MAD1L1: variants seen among roughly 807,000 people sequenced by gnomAD.
The protein encoded by MAD1L1 is mitotic spindle assembly checkpoint protein MAD1.
Under a neutral mutation model 96.9 loss-of-function variants are expected in MAD1L1, and 95 were observed. The observed-to-expected ratio is 0.98, with a 90% CI of 0.83 to 1.16. MAD1L1 has a LOEUF of 1.16. Ranked by LOEUF, MAD1L1 falls within the 50% of genes most tolerant of loss-of-function variation. The pLI, the probability that MAD1L1 is intolerant of heterozygous loss-of-function variation, is 0.00. For missense variants in MAD1L1, 1,007 were observed against 954.4 expected (o/e 1.06, Z -0.73); for synonymous variants, 473 against 396.6 (o/e 1.19, Z -2.29).
intron 11 of MAD1L1, among the ~76,000 whole-genome samples, chr7:2,093,276 G>C (rs1482743591): frequency 6.7e-6 from 1 of 149,464 alleles, no homozygotes; most frequent in Non-Finnish European, 1.5e-5. Context: ...TTCAGAGGGA[G>C]GGCAGTACAT....
At chr7:1,926,230 G>C (rs888836684) in intron 17 of MAD1L1, among the ~76,000 whole-genome samples, 1 of 152,118 alleles carries the variant, frequency 6.6e-6, no homozygotes, top group Non-Finnish European at 1.5e-5. Context: ...TGAGATGAAA[G>C]AACTCACTAT....
chr7:2,038,968 G>T (rs183753726), intron 12 of MAD1L1, among the ~76,000 whole-genome samples: 1 of 152,280 alleles, frequency 6.6e-6, no homozygotes, highest in African/African-American at 2.4e-5. Context: ...CAATGATACA[G>T]TCAAGATACA....
At chr7:2,042,179 GCACA>G (rs369330974) in intron 12 of MAD1L1, among the ~76,000 whole-genome samples, 6 of 149,944 alleles carry the variant, frequency 4.0e-5, no homozygotes, top group Admixed American at 1.3e-4. Context: ...ACATACACAT[GCACA>G]CACACACGCA....
intron 16 of MAD1L1, among the ~76,000 whole-genome samples, chr7:1,942,954 G>A (rs570285725): frequency 2.9e-4 from 44 of 152,180 alleles, no homozygotes; most frequent in Non-Finnish European, 5.6e-4. Flanking sequence ...ACAACACAGT[G>A]GAGAGTCCAG....
At chr7:2,172,925 G>A (rs577324628) in intron 10 of MAD1L1, among the ~76,000 whole-genome samples, 2 of 152,354 alleles carry the variant, frequency 1.3e-5, no homozygotes, top group African/African-American at 2.4e-5. Flanking sequence ...GACCCCAGAC[G>A]GTGCCAGGCA....
intron 17 of MAD1L1, among the ~76,000 whole-genome samples, chr7:1,929,578 G>A (rs563382044): frequency 2.2e-4 from 34 of 152,190 alleles, no homozygotes; most frequent in Non-Finnish European, 7.4e-5. Context: ...TCAGATCCCC[G>A]AGAGCAGGGG....
chr7:2,046,095 T>A (rs1168403018), intron 12 of MAD1L1, among the ~76,000 whole-genome samples: 1 of 152,088 alleles, frequency 6.6e-6, no homozygotes, highest in African/African-American at 2.4e-5. Flanking sequence ...GAGGGTCCCA[T>A]GTAAGCCCCA....
intron 10 of MAD1L1, 53 bp downstream of exon 10, chr7:2,213,159 A>C: frequency 6.3e-7 from 1 of 1,588,202 alleles, no homozygotes. Flanking sequence ...TCTGCTCTTC[A>C]CCCAGGACCC....
intron 17 of MAD1L1, among the ~76,000 whole-genome samples, chr7:1,915,844 C>G (rs1241954847): frequency 6.6e-6 from 1 of 152,216 alleles, no homozygotes; most frequent in Non-Finnish European, 1.5e-5. Flanking sequence ...CGATTCAACA[C>G]TGGGGTCAGC....
intron 18 of MAD1L1, among the ~76,000 whole-genome samples, chr7:1,863,160 G>C (rs1352380480): frequency 6.6e-6 from 1 of 152,274 alleles, no homozygotes; most frequent in Non-Finnish European, 1.5e-5. Context: ...CTGAGCGCAC[G>C]AGGAGGCCGC....
chr7:1,920,429 G>A (rs1008610673), intron 17 of MAD1L1, among the ~76,000 whole-genome samples: 6 of 152,212 alleles, frequency 3.9e-5, no homozygotes, highest in African/African-American at 1.4e-4. Flanking sequence ...ACTGTGTTGT[G>A]GACCCAGCGA....
At chr7:2,118,865 G>A (rs534174613) in intron 11 of MAD1L1, among the ~76,000 whole-genome samples, 11 of 152,324 alleles carry the variant, frequency 7.2e-5, no homozygotes, top group East Asian at 1.9e-4. Context: ...TTCCACAGCC[G>A]TCTGGGTCAC....
chr7:2,220,127 G>T (rs1186344633), intron 5 of MAD1L1, among the ~76,000 whole-genome samples: 5 of 152,226 alleles, frequency 3.3e-5, no homozygotes, highest in African/African-American at 1.2e-4. Flanking sequence ...ACCACAGCAA[G>T]GCACTGGCCA....
chr7:2,156,833 A>G (rs555792465), intron 10 of MAD1L1, among the ~76,000 whole-genome samples: 140 of 151,882 alleles, frequency 9.2e-4, no homozygotes, highest in Non-Finnish European at 1.3e-3. Context: ...AAAAAAAAAA[A>G]AAAGAAAGAA....
At chr7:2,164,530 G>C (rs571089333) in intron 10 of MAD1L1, among the ~76,000 whole-genome samples, 1 of 139,102 alleles carries the variant, frequency 7.2e-6, no homozygotes, top group South Asian at 2.4e-4. Context: ...ACATCAAATG[G>C]AGACAGCAGA....
At chr7:2,098,737 G>A (rs73034460) in intron 11 of MAD1L1, among the ~76,000 whole-genome samples, 4,111 of 135,594 alleles carry the variant, frequency 0.03, 94 homozygotes, top group South Asian at 0.099. Context: ...ATAGCTGCCC[G>A]GCATGAGCCA....
chr7:2,147,287 A>T (rs1322954591), intron 11 of MAD1L1, among the ~76,000 whole-genome samples: 2 of 152,112 alleles, frequency 1.3e-5, no homozygotes, highest in Non-Finnish European at 2.9e-5. Flanking sequence ...GGGAGCTCCA[A>T]CCTCACGCCC....
rs1176273475 is a variant in MAD1L1 at position 2,213,375 on chromosome 7, G to C, written c.925-102C>G. 9 of 1,087,296 alleles carry C rather than the reference G, an allele frequency of 8.3e-6. No homozygotes were observed. In the Admixed American group the frequency reaches 1.6e-4, roughly 19 times the overall value. 67.4% of individuals were successfully genotyped at this position (1,087,296 alleles called of 1,614,324 possible). A position where few individuals can be genotyped will look rare whatever the true frequency, so the allele number is the denominator to read the frequency against. ...CGGTGCTAAGTCCCTGACCTCTCAGGAGAGCCTGCCCTCATCTCTGAGCTG... is the reference window on the plus strand; with the variant it reads ...CGGTGCTAAGTCCCTGACCTCTCAGCAGAGCCTGCCCTCATCTCTGAGCTG... On this transcript the variant is annotated intron_variant, in intron 9 of 18. Transcript: ENST00000265854.
intron 10 of MAD1L1, among the ~76,000 whole-genome samples, chr7:2,166,300 A>G (rs1316645433): frequency 6.6e-6 from 1 of 152,204 alleles, no homozygotes; most frequent in Non-Finnish European, 1.5e-5. Context: ...CCCCAGACAC[A>G]TGTAAATAAA....
Sources: allele counts gnomAD v4.1 joint callset (sites outside exome capture counted in the v4.1 genomes callset), GRCh38; gene constraint gnomAD v4.1.1; transcripts MANE v1.5; gene names NCBI Gene and HGNC (gene_info 2026-07-23, HGNC 2026-07-21).